The following DNER variants were observed in gnomAD, a reference collection of about 807,000 sequenced individuals.
The protein encoded by DNER is delta/notch like EGF repeat containing.
DNER carries 33 observed loss-of-function variants against 78.2 expected under a neutral mutation model. The observed-to-expected ratio is 0.42, with a 90% CI of 0.32 to 0.56. The LOEUF (loss-of-function observed/expected upper bound fraction) is 0.56, where lower values mean the gene tolerates loss of function less well. Ranked by LOEUF, DNER falls within the 20% of genes least tolerant of loss-of-function variation. The pLI is 0.11. For synonymous variants in DNER, 417 were observed against 384.8 expected (o/e 1.08, Z -0.98); for missense variants, 918 against 975.3 (o/e 0.94, Z 0.78).
chr2:229,545,133 A>G (rs76409546), intron 5 of DNER, among the ~76,000 whole-genome samples: 4,517 of 152,294 alleles, frequency 0.03, 201 homozygotes, highest in African/African-American at 0.095. Context: ...AACTAGAGAC[A>G]AAAATAAAGA....
intron 4 of DNER, among the ~76,000 whole-genome samples, chr2:229,580,567 G>A (rs1697374276): frequency 6.6e-6 from 1 of 152,124 alleles, no homozygotes; most frequent in Admixed American, 6.5e-5. Context: ...AGTATAAGAA[G>A]CTAGAAAGAC....
chr2:229,690,101 C>T (rs182378353), intron 1 of DNER, among the ~76,000 whole-genome samples: 13 of 152,264 alleles, frequency 8.5e-5, no homozygotes, highest in African/African-American at 3.1e-4. Flanking sequence ...CCTAGTAGTC[C>T]GCAGGCGTAG....
intron 11 of DNER, among the ~76,000 whole-genome samples, chr2:229,377,391 T>G (rs1199867758): frequency 6.6e-6 from 1 of 152,160 alleles, no homozygotes. Flanking sequence ...ACACCAACAC[T>G]GCTATGTCAA....
intron 10 of DNER, among the ~76,000 whole-genome samples, chr2:229,393,144 T>A (rs1362648968): frequency 6.6e-6 from 1 of 152,188 alleles, no homozygotes; most frequent in Non-Finnish European, 1.5e-5. Flanking sequence ...CCAATGGTCT[T>A]AATAGTAGAC....
At chr2:229,553,070 A>T (rs570986568) in intron 4 of DNER, among the ~76,000 whole-genome samples, 2 of 152,208 alleles carry the variant, frequency 1.3e-5, no homozygotes, top group Non-Finnish European at 2.9e-5. Flanking sequence ...GGGAGAGTAG[A>T]TACCCACCAT....
chr2:229,672,621 A>G (rs1259926797), intron 1 of DNER, among the ~76,000 whole-genome samples: 1 of 151,820 alleles, frequency 6.6e-6, no homozygotes, highest in Non-Finnish European at 1.5e-5. Context: ...GGAGAGAAGA[A>G]GAGAAAGAGA....
chr2:229,469,806 G>A (rs1261632848), intron 7 of DNER, among the ~76,000 whole-genome samples: 2 of 152,160 alleles, frequency 1.3e-5, no homozygotes, highest in African/African-American at 4.8e-5. Flanking sequence ...AGCTGGGCAT[G>A]GTGGTGGGTG....
intron 8 of DNER, among the ~76,000 whole-genome samples, chr2:229,419,090 T>C (rs1440077328): frequency 6.6e-6 from 1 of 152,172 alleles, no homozygotes; most frequent in Non-Finnish European, 1.5e-5. Flanking sequence ...TATGATTATA[T>C]AAATTATAAT....
At chr2:229,563,954 CCAT>C (rs1449330108) in intron 4 of DNER, among the ~76,000 whole-genome samples, 1 of 143,050 alleles carries the variant, frequency 7.0e-6, no homozygotes, top group African/African-American at 2.6e-5. Context: ...CACCCCATCA[CCAT>C]CATCATCCTC....
intron 5 of DNER, among the ~76,000 whole-genome samples, chr2:229,525,681 C>T (rs948388799): frequency 4.6e-5 from 7 of 152,128 alleles, no homozygotes; most frequent in South Asian, 4.1e-4. Context: ...GGCGTGAACT[C>T]GGCTCACTGC....
At chr2:229,447,177 A>G in intron 8 of DNER, 139 bp downstream of exon 8, 1 of 809,550 alleles carries the variant, frequency 1.2e-6, no homozygotes, top group Non-Finnish European at 1.9e-6. Context: ...ATCAGTAAGT[A>G]TACTTACTTA....
chr2:229,454,047 C>T (rs904273736), intron 7 of DNER, among the ~76,000 whole-genome samples: 31 of 151,764 alleles, frequency 2.0e-4, no homozygotes, highest in African/African-American at 6.3e-4. Context: ...CACAAGCCCA[C>T]GCCAGCCTGC....
intron 6 of DNER, among the ~76,000 whole-genome samples, chr2:229,494,822 T>C (rs1413983320): frequency 6.6e-6 from 1 of 152,190 alleles, no homozygotes; most frequent in African/African-American, 2.4e-5. Flanking sequence ...TCCACTCCTA[T>C]AGATTCCAAG....
intron 1 of DNER, among the ~76,000 whole-genome samples, chr2:229,693,477 G>A (rs567716180): frequency 6.6e-6 from 1 of 152,156 alleles, no homozygotes; most frequent in East Asian, 1.9e-4. Flanking sequence ...ACCATTTGGA[G>A]GGCTCAGAAG....
intron 6 of DNER, among the ~76,000 whole-genome samples, chr2:229,496,391 T>TA (rs1695502649): frequency 6.6e-6 from 1 of 152,094 alleles, no homozygotes; most frequent in Non-Finnish European, 1.5e-5. Context: ...GCAATTATAT[T>TA]AAGAATCAAA....
At chr2:229,694,123 C>G (rs1407112018) in intron 1 of DNER, among the ~76,000 whole-genome samples, 1 of 152,222 alleles carries the variant, frequency 6.6e-6, no homozygotes, top group Non-Finnish European at 1.5e-5. Context: ...TTAGAGGGTG[C>G]AAGCCCCAAG....
chr2:229,691,598 G>A (rs994972126), intron 1 of DNER, among the ~76,000 whole-genome samples: 2 of 151,976 alleles, frequency 1.3e-5, no homozygotes, highest in Non-Finnish European at 2.9e-5. Flanking sequence ...ATATTGGCAA[G>A]CAAATATAAA....
intron 1 of DNER, among the ~76,000 whole-genome samples, chr2:229,708,725 G>A (rs902962884): frequency 6.6e-6 from 1 of 152,184 alleles, no homozygotes; most frequent in Non-Finnish European, 1.5e-5. Context: ...TGTCACATGA[G>A]AAGCTTAAGC....
chr2:229,684,667 G>T (rs772463078), intron 1 of DNER, among the ~76,000 whole-genome samples: 2 of 152,182 alleles, frequency 1.3e-5, no homozygotes, highest in Non-Finnish European at 2.9e-5. Context: ...GTGAGTGACA[G>T]AAGTATTATG....
Sources: gnomAD v4.1 joint callset for allele counts (sites outside exome capture counted in the v4.1 genomes callset) on GRCh38, gnomAD v4.1.1 for gene constraint, MANE v1.5 for transcripts, NCBI Gene and HGNC (gene_info 2026-07-23, HGNC 2026-07-21) for gene names.